Variants in ZKSCAN1 observed in about 807,000 individuals in gnomAD.
The protein encoded by ZKSCAN1 is zinc finger with KRAB and SCAN domains 1.
Under a neutral mutation model 51.6 loss-of-function variants are expected in ZKSCAN1, and 14 were observed. The observed-to-expected ratio is 0.27, with a 90% CI of 0.18 to 0.42. The LOEUF (loss-of-function observed/expected upper bound fraction) is 0.42, where lower values mean the gene tolerates loss of function less well. Ranked by LOEUF, ZKSCAN1 falls within the 10% of genes least tolerant of loss-of-function variation. The probability of loss-of-function intolerance (pLI) is 1.00; values close to 1 mark genes in which losing one functional copy is unlikely to be tolerated. For synonymous variants in ZKSCAN1, 263 were observed against 261.5 expected (o/e 1.01, Z -0.06); for missense variants, 531 against 710.0 (o/e 0.75, Z 2.86).
At chr7:100,019,162 G>T (rs1280824140) in intron 1 of ZKSCAN1, 1 of 152,116 alleles carries the variant, frequency 6.6e-6, no homozygotes, top group Non-Finnish European at 1.5e-5. Context: ...GTCACATAGT[G>T]ACCCTCCAGT....
intron 2 of ZKSCAN1, 25 bp from the exon 3 acceptor site, chr7:100,024,129 A>G (rs374057748): frequency 3.8e-5 from 60 of 1,589,110 alleles, no homozygotes; most frequent in Non-Finnish European, 5.0e-5. Flanking sequence ...TGATTTACCC[A>G]CAAGCCCAAC....
intron 5 of ZKSCAN1, among the ~76,000 whole-genome samples, chr7:100,032,988 A>G (rs896068093): frequency 6.6e-5 from 10 of 150,664 alleles, no homozygotes; most frequent in Admixed American, 2.0e-4. Flanking sequence ...AGCCTGGGTA[A>G]CAGAGCAAGA....
Position 100,037,044 on chromosome 7 carries a change from T to C in ZKSCAN1, c.*2847T>C. On this transcript the variant is annotated 3_prime_UTR_variant, in exon 6 of 6. Transcript: ENST00000324306. The stretch of plus-strand genomic sequence containing the variant: ...TCCTTGAAGCAGCTATTTGAAGATG[T>C]GTTTTCTGAGGAAAACAGGCTACAA... The C allele has an allele frequency of 1.0e-6, 1 of 985,446 alleles. No individual in the cohort carries two copies. Among genetic ancestry groups the C allele is most frequent in the African/African-American group, 1.7e-5 (1 of 57,378 alleles). 61.0% of individuals were successfully genotyped at this position (985,446 alleles called of 1,614,324 possible).
Position 100,039,420 on chromosome 7 carries a change from AGTCT to A in ZKSCAN1, c.*5229_*5232del, listed in dbSNP as rs1212559112. 1.0e-6 allele frequency: 1 copy of A among 985,400 alleles called. No individual in the cohort carries two copies. Among genetic ancestry groups the A allele is most frequent in the Non-Finnish European group, 1.2e-6 (1 of 829,922 alleles). 61.0% of individuals were successfully genotyped at this position (985,400 alleles called of 1,614,324 possible). ...TGCATCCAGTCGTGGCATTGCAAGA[AGTCT>A]GTCTGATGAAGCTCGGGAAGCATTT... On this transcript the variant is annotated 3_prime_UTR_variant, in exon 6 of 6. Transcript: ENST00000324306.
chr7:100,040,766 C>A lies in ZKSCAN1; in HGVS notation c.*6569C>A. On this transcript the variant is annotated 3_prime_UTR_variant, in exon 6 of 6. Transcript: ENST00000324306. ...GGGTGTGCTGGGGTTGGTACCCGAGCGCCTTCCCCTCACCTCAACCAGAGA... is the reference window on the plus strand; with the variant it reads ...GGGTGTGCTGGGGTTGGTACCCGAGAGCCTTCCCCTCACCTCAACCAGAGA... 4 of 985,456 alleles carry A rather than the reference C, an allele frequency of 4.1e-6. No individual in the cohort carries two copies. Among genetic ancestry groups the A allele is most frequent in the Non-Finnish European group, 3.6e-6 (3 of 829,962 alleles). The allele number at this position is 985,456 out of a possible 1,614,324, so 61.0% of individuals were successfully genotyped here.
Position 100,033,476 on chromosome 7 carries a change from G to A in ZKSCAN1, c.971G>A (p.Arg324Lys), listed in dbSNP as rs1791204918. 1 of 1,613,780 alleles carries A rather than the reference G, an allele frequency of 6.2e-7. No individual in the cohort carries two copies. Among genetic ancestry groups the A allele is most frequent in the Non-Finnish European group, 8.5e-7 (1 of 1,179,914 alleles). The change falls in exon 6 of 6, where the codon AGG (arginine) becomes AAG (lysine). Residue 324 changes from arginine to lysine, a missense_variant. This residue lies in a region of ZKSCAN1 where 403 missense variants were observed against 490.5 expected (regional missense o/e 0.82). Coordinates refer to ENST00000324306, the MANE Select transcript of ZKSCAN1 (RefSeq NM_003439.4). The surrounding 1 kb of genome is among the most constrained non-coding windows in gnomAD (Gnocchi z 4.1). ...RQQKNPEEKT[R>K]KEKRDSGPAI... ...CAGAAAAACCCTGAGGAGAAAACCA[G>A]GAAAGAGAAAAGAGATTCAGGGCCA...
At chr7:100,028,558 C>A (rs1790947516) in intron 3 of ZKSCAN1, among the ~76,000 whole-genome samples, 1 of 152,066 alleles carries the variant, frequency 6.6e-6, no homozygotes, top group Non-Finnish European at 1.5e-5. Context: ...CATTCAGTTT[C>A]AAATTCATTT....
intron 1 of ZKSCAN1, chr7:100,016,890 C>G (rs1187322754): frequency 3.9e-5 from 6 of 152,150 alleles, no homozygotes; most frequent in African/African-American, 1.4e-4. Context: ...CGCTGTTTTA[C>G]ATAGGAAACC....
In ZKSCAN1 at chr7:100,038,076, GA is replaced by G. The variant is rs1455565327; in HGVS notation, c.*3887del. On this transcript the variant is annotated 3_prime_UTR_variant, in exon 6 of 6. Transcript: ENST00000324306. ...TCTTAACTGCAGAGGATCTACAGAT[GA>G]AAAAAAATGTGGGGAAATGCTTTAA... The G allele has an allele frequency of 7.1e-6, 7 of 984,724 alleles. No homozygotes were observed. The highest frequency in any genetic ancestry group is 5.3e-5 in the African/African-American group (3 of 57,072). 61.0% of individuals were successfully genotyped at this position (984,724 alleles called of 1,614,324 possible).
rs1299681905 is a variant in ZKSCAN1 at position 100,034,196 on chromosome 7, A to G, written c.1691A>G (p.Ter564=). 2.0e-6 allele frequency: 3 copies of G among 1,503,410 alleles called. No individual in the cohort carries two copies. The Admixed American group carries it at 6.9e-5, about 34-fold the overall frequency. 93.1% of individuals were successfully genotyped at this position (1,503,410 alleles called of 1,614,324 possible). The change falls in exon 6 of 6, where the codon TAA becomes TGA. Residue 564 remains the stop codon, a stop_retained_variant. Coordinates refer to ENST00000324306, the MANE Select transcript of ZKSCAN1 (RefSeq NM_003439.4). ...AFGAFLKSCV[*] ...GGCGCGTTCCTGAAAAGTTGTGTGT[A>G]AAGGAAGAATTTGCCATCAAGCCAT...
downstream of ZKSCAN1, chr7:100,041,741 A>G (rs1791603359): frequency 8.1e-6 from 8 of 985,264 alleles, no homozygotes; most frequent in African/African-American, 1.7e-5. Context: ...CCTTGGTTGC[A>G]TAAATACACA....
In ZKSCAN1 at chr7:100,015,604, T is replaced by C. The variant is rs1308727068; in HGVS notation, c.-211T>C. ...ACACGCTTCCGGCCTTTGTGACTCA[T>C]TGTGTCTGTGTCGAGGCGTCGGGAG... On this transcript the variant is annotated 5_prime_UTR_variant, in exon 1 of 6. Coordinates refer to ENST00000324306, the MANE Select transcript of ZKSCAN1 (RefSeq NM_003439.4). 1 of 152,138 alleles carries C rather than the reference T, an allele frequency of 6.6e-6. No homozygotes were observed. The highest frequency in any genetic ancestry group is 1.5e-5 in the Non-Finnish European group (1 of 68,048). 9.4% of individuals were successfully genotyped at this position (152,138 alleles called of 1,614,324 possible). A position where few individuals can be genotyped will look rare whatever the true frequency, so the allele number is the denominator to read the frequency against.
Position 100,034,264 on chromosome 7 carries a change from C to G in ZKSCAN1, c.*67C>G, listed in dbSNP as rs1791251281. On this transcript the variant is annotated 3_prime_UTR_variant, in exon 6 of 6. Coordinates refer to ENST00000324306, the MANE Select transcript of ZKSCAN1 (RefSeq NM_003439.4). ...AAAATTATTTCAGAGATGTGTGCTC[C>G]TGGAGGGAAAAAGAAATACAGCCTC... is the stretch of plus-strand genomic sequence containing the variant. 2.0e-6 allele frequency: 3 copies of G among 1,496,934 alleles called. No homozygotes were observed. The South Asian group carries it at 4.1e-5, about 21-fold the overall frequency. 92.7% of individuals were successfully genotyped at this position (1,496,934 alleles called of 1,614,324 possible).
chr7:100,027,403 T>A (rs1400954628), intron 3 of ZKSCAN1, among the ~76,000 whole-genome samples: 1 of 152,088 alleles, frequency 6.6e-6, no homozygotes, highest in East Asian at 1.9e-4. Context: ...CATCCTCTCT[T>A]CCGTGCATCC....
At position 100,037,207 on chromosome 7, in the gene ZKSCAN1, T is replaced by G. The variant is rs1056170571; in HGVS notation, c.*3010T>G. The G allele has an allele frequency of 2.4e-5, 24 of 985,340 alleles. No homozygotes were observed. The highest frequency in any genetic ancestry group is 2.9e-5 in the Non-Finnish European group (24 of 829,932). 61.0% of individuals were successfully genotyped at this position (985,340 alleles called of 1,614,324 possible). Reference sequence around the variant, plus strand: ...TTCAAAAGTTCTTGGCCCGCTGAAGTCTGTTAACAGTTGAAACATTCTACA... The same window carrying G: ...TTCAAAAGTTCTTGGCCCGCTGAAGGCTGTTAACAGTTGAAACATTCTACA... On this transcript the variant is annotated 3_prime_UTR_variant, in exon 6 of 6. Coordinates refer to ENST00000324306, the MANE Select transcript of ZKSCAN1 (RefSeq NM_003439.4).
intron 3 of ZKSCAN1, among the ~76,000 whole-genome samples, chr7:100,029,164 CAAAAAAAA>C (rs56176717): frequency 0.39 from 46,774 of 121,112 alleles, 8,535 homozygotes; most frequent in Middle Eastern, 0.5. Context: ...AACTCTGTCT[CAAAAAAAA>C]AAAAAAAAAA....
chr7:100,026,489 A>G (rs528508500), intron 3 of ZKSCAN1, among the ~76,000 whole-genome samples: 8 of 152,258 alleles, frequency 5.3e-5, no homozygotes, highest in African/African-American at 1.9e-4. Context: ...GCACTTCGGG[A>G]GTCCAAGGTG....
chr7:100,029,134 A>C (rs1490363732), intron 3 of ZKSCAN1, among the ~76,000 whole-genome samples: 2 of 143,484 alleles, frequency 1.4e-5, no homozygotes, highest in Non-Finnish European at 3.0e-5. Context: ...ATTGCACTCC[A>C]GCCTGGGCAA....
At chr7:100,018,955 A>T (rs1438213072) in intron 1 of ZKSCAN1, among the ~76,000 whole-genome samples, 1 of 152,226 alleles carries the variant, frequency 6.6e-6, no homozygotes, top group South Asian at 2.1e-4. Context: ...GCATCTTCGC[A>T]CTGACCCAAG....
Sources: allele counts gnomAD v4.1 joint callset (sites outside exome capture counted in the v4.1 genomes callset), GRCh38; gene constraint gnomAD v4.1.1; regional missense constraint gnomAD v4.1.1; non-coding constraint Gnocchi (gnomAD v3.1); transcripts MANE v1.5; gene names NCBI Gene and HGNC (gene_info 2026-07-23, HGNC 2026-07-21).